Variants in TBX5 observed in about 807,000 individuals in gnomAD.
TBX5 encodes T-box transcription factor TBX5.
TBX5 carries 8 observed loss-of-function variants against 51.1 expected under a neutral mutation model. The observed-to-expected ratio is 0.16, with a 90% CI of 0.09 to 0.28. The LOEUF (loss-of-function observed/expected upper bound fraction) is 0.28. TBX5 is among the 10% of genes least tolerant of loss of function. The probability of loss-of-function intolerance (pLI) is 1.00; values close to 1 mark genes in which losing one functional copy is unlikely to be tolerated. For synonymous variants in TBX5, 302 were observed against 266.4 expected (o/e 1.13, Z -1.30); for missense variants, 589 against 671.7 (o/e 0.88, Z 1.36).
At chr12:114,403,090 C>T (rs1161102880) in intron 2 of TBX5, among the ~76,000 whole-genome samples, 2 of 152,262 alleles carry the variant, frequency 1.3e-5, no homozygotes, top group Admixed American at 6.5e-5. Flanking sequence ...GGGCGCAGAG[C>T]GCAAGGTGAG....
chr12:114,399,881 A>G (rs762717587), intron 3 of TBX5, among the ~76,000 whole-genome samples: 1 of 152,326 alleles, frequency 6.6e-6, no homozygotes, highest in East Asian at 1.9e-4. Flanking sequence ...ACCAGGACGC[A>G]TGCGCCTCTA....
chr12:114,398,849 C>T, intron 4 of TBX5, 129 bp from the exon 5 acceptor site: 1 of 1,156,448 alleles, frequency 8.6e-7, no homozygotes, highest in Non-Finnish European at 1.2e-6. Context: ...TCTGGAGGCT[C>T]TCCCGTCTCC....
rs1872189100 is a variant in TBX5 at position 114,405,917 on chromosome 12, A to G, written c.-328T>C. 1.0e-6 allele frequency: 1 copy of G among 985,496 alleles called. No homozygotes were observed. The highest frequency in any genetic ancestry group is 1.7e-5 in the African/African-American group (1 of 57,346). 61.0% of individuals were successfully genotyped at this position (985,496 alleles called of 1,614,324 possible). On this transcript the variant is annotated 5_prime_UTR_variant, in exon 1 of 9. An upstream start codon of the reference 5' UTR is lost. Coordinates refer to ENST00000405440, the MANE Select transcript of TBX5 (RefSeq NM_181486.4). ...ATAGCCTCCAAGAGCACCGGCAACC[A>G]TATAATCTCAGTGCCCCGCTCCTCC...
intron 2 of TBX5, among the ~76,000 whole-genome samples, chr12:114,403,462 C>A (rs909560040): frequency 3.9e-5 from 6 of 152,158 alleles, no homozygotes; most frequent in Admixed American, 6.5e-5. Flanking sequence ...CCCAAACGGC[C>A]GGATAATTGA....
intron 7 of TBX5, among the ~76,000 whole-genome samples, chr12:114,368,364 A>T (rs1157691971): frequency 2.0e-5 from 3 of 151,818 alleles, no homozygotes; most frequent in African/African-American, 7.3e-5. Flanking sequence ...CAATCAATCA[A>T]TGCTTAACTA....
At position 114,377,495 on chromosome 12, in the gene TBX5, A is replaced by T. The variant is rs551067059; in HGVS notation, c.755+7981T>A. ...TGCCTCAAACTCCTGGGCTCAAGCAATCCTCCTGTCTCAGCCAAAAGAGTA... is the reference window on the plus strand; with the variant it reads ...TGCCTCAAACTCCTGGGCTCAAGCATTCCTCCTGTCTCAGCCAAAAGAGTA... On this transcript the variant is annotated intron_variant, in intron 7 of 8. Coordinates refer to ENST00000405440, the MANE Select transcript of TBX5 (RefSeq NM_181486.4). Among the ~76,000 whole-genome samples, 7 of 151,916 alleles carry T rather than the reference A, an allele frequency of 4.6e-5. 1 individual carries two copies. The South Asian group carries it at 1.5e-3, about 32-fold the overall frequency.
chr12:114,369,568 A>C (rs1489994427), intron 7 of TBX5, among the ~76,000 whole-genome samples: 1 of 152,242 alleles, frequency 6.6e-6, no homozygotes, highest in Non-Finnish European at 1.5e-5. Flanking sequence ...AAATGTTAGA[A>C]TCAAACAACA....
chr12:114,379,402 T>A (rs1475802010), intron 7 of TBX5, among the ~76,000 whole-genome samples: 1 of 152,166 alleles, frequency 6.6e-6, no homozygotes, highest in Non-Finnish European at 1.5e-5. Flanking sequence ...TTCCTTCCTC[T>A]GCTAGAAGAC....
intron 7 of TBX5, among the ~76,000 whole-genome samples, chr12:114,377,342 T>C (rs1413671794): frequency 1.3e-5 from 2 of 152,152 alleles, no homozygotes; most frequent in Admixed American, 1.3e-4. Context: ...AAGGTTCAAA[T>C]AGAAGAATTT....
At chr12:114,370,009 C>T (rs1029568562) in intron 7 of TBX5, among the ~76,000 whole-genome samples, 1 of 152,062 alleles carries the variant, frequency 6.6e-6, no homozygotes, top group Non-Finnish European at 1.5e-5. Context: ...AATTCCAGCA[C>T]TTTGGGAGGC....
At chr12:114,388,002 A>T (rs1870917057) in intron 6 of TBX5, among the ~76,000 whole-genome samples, 1 of 151,604 alleles carries the variant, frequency 6.6e-6, no homozygotes, top group African/African-American at 2.4e-5. Context: ...ATGCTGGGCT[A>T]ATTTTTTTAT....
At position 114,403,888 on chromosome 12, in the gene TBX5, G is replaced by C. The variant is rs1414031361; in HGVS notation, c.11C>G (p.Ala4Gly). The change falls in exon 2 of 9, where the codon GCA becomes GGA. Residue 4 changes from alanine to glycine, a missense_variant. Ala to Gly is a moderately conservative substitution (Grantham distance 60). Around this residue, in one of 7 missense-constraint regions of TBX5, gnomAD observed 101 missense variants for 83.3 expected, o/e 1.21. Transcript: ENST00000405440. ...GTGCGCCAGGCCAAAGCCCTCGTCT[G>C]CGTCGGCCATGGTGCGCCCAGGGCC... MAD[A>G]DEGFGLAHTP... 1 of 1,612,732 alleles carries C rather than the reference G, an allele frequency of 6.2e-7. No individual in the cohort carries two copies. The highest frequency in any genetic ancestry group is 1.3e-5 in the African/African-American group (1 of 74,924).
chr12:114,385,437 T>C (rs867349368), intron 7 of TBX5, 39 bp downstream of exon 7: 8 of 1,576,640 alleles, frequency 5.1e-6, no homozygotes, highest in Middle Eastern at 3.3e-4. Context: ...ATTTGAGGGG[T>C]ATGTGGGGAG....
At chr12:114,400,272 C>G (rs1033629180) in intron 3 of TBX5, among the ~76,000 whole-genome samples, 13 of 152,194 alleles carry the variant, frequency 8.5e-5, no homozygotes, top group African/African-American at 3.1e-4. Context: ...TTCTCCAAGG[C>G]CCCTGAAACT....
At chr12:114,384,513 A>G (rs574175231) in intron 7 of TBX5, among the ~76,000 whole-genome samples, 1 of 152,248 alleles carries the variant, frequency 6.6e-6, no homozygotes, top group East Asian at 1.9e-4. Flanking sequence ...CATTGCATGT[A>G]TTTCTAAACC....
intron 8 of TBX5, among the ~76,000 whole-genome samples, chr12:114,364,257 G>A (rs1240673963): frequency 6.6e-6 from 1 of 152,202 alleles, no homozygotes; most frequent in Non-Finnish European, 1.5e-5. Context: ...GCTAGGCACT[G>A]GGCACTGGAT....
rs769895888 is a variant in TBX5 at position 114,403,924 on chromosome 12, G to A, written c.-26C>T. The A allele has an allele frequency of 1.9e-6, 3 of 1,606,566 alleles. No homozygotes were observed. The highest frequency in any genetic ancestry group is 1.3e-5 in the African/African-American group (1 of 74,880). ...GGTGCGCCCAGGGCCCTGTGCCCGC[G>A]CAAGGTTCTGCTCTGAGGACAAGAA... On this transcript the variant is annotated 5_prime_UTR_variant, in exon 2 of 9. Coordinates refer to ENST00000405440, the MANE Select transcript of TBX5 (RefSeq NM_181486.4).
At chr12:114,401,980 C>G (rs1871844941) in intron 2 of TBX5, 60 bp from the exon 3 acceptor site, 3 of 1,402,840 alleles carry the variant, frequency 2.1e-6, no homozygotes, top group Non-Finnish European at 3.0e-6. Context: ...CATTCCTTCC[C>G]CAAACTCCCC....
chr12:114,383,937 G>A (rs1196084572), intron 7 of TBX5, among the ~76,000 whole-genome samples: 3 of 152,136 alleles, frequency 2.0e-5, no homozygotes, highest in Non-Finnish European at 4.4e-5. Context: ...CAATGACTAA[G>A]CCACCTTAAC....
Sources: gnomAD v4.1 joint callset for allele counts (sites outside exome capture counted in the v4.1 genomes callset) on GRCh38, gnomAD v4.1.1 for gene constraint, gnomAD v4.1.1 regional missense constraint, MANE v1.5 for transcripts, NCBI Gene and HGNC (gene_info 2026-07-23, HGNC 2026-07-21) for gene names.